The following RPH3AL variants were observed in gnomAD, a reference collection of about 807,000 sequenced individuals.
The protein encoded by RPH3AL is rab effector Noc2.
A neutral mutation model predicts 43.1 loss-of-function variants in RPH3AL; 38 were observed. The observed-to-expected ratio is 0.88, with a 90% CI of 0.68 to 1.15. RPH3AL has a LOEUF of 1.15. RPH3AL is among the 50% of genes most tolerant of loss of function. RPH3AL has a pLI of 0.00. For missense variants in RPH3AL, 462 were observed against 423.2 expected (o/e 1.09, Z -0.81); for synonymous variants, 189 against 176.3 (o/e 1.07, Z -0.57).
intron 1 of RPH3AL, among the ~76,000 whole-genome samples, chr17:336,384 A>T (rs2044954252): frequency 6.6e-6 from 1 of 152,178 alleles, no homozygotes; most frequent in South Asian, 2.1e-4. Context: ...CTATGCACCA[A>T]GCGGGCTCGA....
At chr17:282,319 C>CA (rs1433177207) in intron 5 of RPH3AL, among the ~76,000 whole-genome samples, 1 of 152,200 alleles carries the variant, frequency 6.6e-6, no homozygotes, top group Non-Finnish European at 1.5e-5. Flanking sequence ...GGTCAGAAGA[C>CA]ACAATCGTGA....
At chr17:272,979 A>G (rs8074778) in intron 6 of RPH3AL, among the ~76,000 whole-genome samples, 8,472 of 39,968 alleles carry the variant, frequency 0.21, 957 homozygotes, top group African/African-American at 0.29. Context: ...AGACCCCAGC[A>G]AGGGCTACGT....
chr17:297,121 G>A (rs763775700), intron 5 of RPH3AL, among the ~76,000 whole-genome samples: 4 of 152,194 alleles, frequency 2.6e-5, no homozygotes, highest in Non-Finnish European at 4.4e-5. Flanking sequence ...AACCCAAGAC[G>A]TCGGGGCTTG....
At chr17:348,049 T>C (rs985057339) in intron 1 of RPH3AL, among the ~76,000 whole-genome samples, 1 of 148,912 alleles carries the variant, frequency 6.7e-6, no homozygotes, top group African/African-American at 2.5e-5. Flanking sequence ...GAGGCTACTC[T>C]GGGCACCCTG....
intron 3 of RPH3AL, 147 bp from the exon 4 acceptor site, chr17:321,562 GGCCCAGGTGGCA>G: frequency 1.4e-5 from 10 of 709,548 alleles, no homozygotes; most frequent in Non-Finnish European, 2.0e-5. Context: ...CAGCAGAGAT[GGCCCAGGTGGCA>G]ACAGAGATGG....
intron 5 of RPH3AL, among the ~76,000 whole-genome samples, chr17:319,186 C>G (rs554067474): frequency 1.9e-3 from 291 of 152,282 alleles, no homozygotes; most frequent in African/African-American, 6.8e-3. Context: ...TCTCGTGGCT[C>G]GGGTGTGAAT....
intron 7 of RPH3AL, among the ~76,000 whole-genome samples, chr17:231,762 C>G (rs1034179601): frequency 1.3e-5 from 2 of 152,230 alleles, no homozygotes; most frequent in Non-Finnish European, 2.9e-5. Context: ...GCAAGGGGCC[C>G]GCAGATGTCA....
chr17:214,729 C>A (rs1314910858), intron 9 of RPH3AL: 1 of 151,502 alleles, frequency 6.6e-6, no homozygotes, highest in Non-Finnish European at 1.5e-5. Flanking sequence ...GTGATCACAC[C>A]AGTGCACTCC....
intron 5 of RPH3AL, among the ~76,000 whole-genome samples, chr17:315,494 T>C (rs2043978681): frequency 6.7e-6 from 1 of 149,040 alleles, no homozygotes. Context: ...TGACCTGTAG[T>C]CCCTGTGACT....
intron 6 of RPH3AL, among the ~76,000 whole-genome samples, chr17:265,398 G>A (rs1289492130): frequency 6.6e-6 from 1 of 152,092 alleles, no homozygotes; most frequent in African/African-American, 2.4e-5. Context: ...GATATTTTTT[G>A]TATTGTAATA....
At chr17:292,877 T>A (rs907666727) in intron 5 of RPH3AL, among the ~76,000 whole-genome samples, 5 of 152,098 alleles carry the variant, frequency 3.3e-5, no homozygotes, top group African/African-American at 1.2e-4. Flanking sequence ...AAATACCAAG[T>A]CACAGAAGGC....
chr17:315,056 G>T (rs909075333), intron 5 of RPH3AL, among the ~76,000 whole-genome samples: 1 of 75,558 alleles, frequency 1.3e-5, no homozygotes. Flanking sequence ...CACCTCCACT[G>T]AACTGTAGTC....
At position 282,817 on chromosome 17, in the gene RPH3AL, T is replaced by C. The variant is rs567753065; in HGVS notation, c.352-963A>G. Among the ~76,000 whole-genome samples the C allele has an allele frequency of 2.6e-5, 4 of 152,340 alleles. No homozygotes were observed. The South Asian group carries it at 8.3e-4, about 32-fold the overall frequency. On this transcript the variant is annotated intron_variant, in intron 5 of 9. Transcript: ENST00000331302. ...AACGACATGTTACTGTACCGAAGGC[T>C]GCAGGCAACTGTGACACAGCGGAAA...
rs144125317 is a variant in RPH3AL at position 281,211 on chromosome 17, G to A, written c.438+557C>T. On this transcript the variant is annotated intron_variant, in intron 6 of 9. Coordinates refer to ENST00000331302, the MANE Select transcript of RPH3AL (RefSeq NM_006987.4). ...AGCAGAAGGGGCGTTGGGTGGCATC[G>A]TGACAGCAGACAACGGCTGAGTTTG... Among the ~76,000 whole-genome samples, 142 of 152,240 alleles carry A rather than the reference G, an allele frequency of 9.3e-4. 1 individual carries two copies. The East Asian group carries it at 0.019, about 21-fold the overall frequency.
At chr17:319,816 A>G (rs2044408998) in intron 4 of RPH3AL, among the ~76,000 whole-genome samples, 1 of 139,984 alleles carries the variant, frequency 7.1e-6, no homozygotes. Context: ...TACCTTCAAT[A>G]AGGAAGAAAA....
Position 321,348 on chromosome 17 carries a change from G to C in RPH3AL, c.145C>G (p.Pro49Ala). ...TGCAGGATGGCCTCCACCTCCGCCGGGCTGAGGTGCTGCTTCCTCCTCTGC... is the reference window on the plus strand; with the variant it reads ...TGCAGGATGGCCTCCACCTCCGCCGCGCTGAGGTGCTGCTTCCTCCTCTGC... ...EKQRRKQHLS[P>A]AEVEAILQVI... The change falls in exon 4 of 10, where the codon CCG (proline) becomes GCG (alanine). Residue 49 changes from proline to alanine, a missense_variant. By Grantham distance (27) the Pro-to-Ala change is conservative. Coordinates refer to ENST00000331302, the MANE Select transcript of RPH3AL (RefSeq NM_006987.4). 6.2e-7 allele frequency: 1 copy of C among 1,611,640 alleles called. No individual in the cohort carries two copies. Among genetic ancestry groups the C allele is most frequent in the South Asian group, 1.1e-5 (1 of 91,062 alleles).
At chr17:260,285 G>T (rs1400829287) in intron 6 of RPH3AL, among the ~76,000 whole-genome samples, 3 of 152,196 alleles carry the variant, frequency 2.0e-5, no homozygotes, top group Non-Finnish European at 4.4e-5. Context: ...CCTCTGTCGT[G>T]CTCCCAGAGG....
intron 5 of RPH3AL, among the ~76,000 whole-genome samples, chr17:300,946 C>A (rs2151637699): frequency 6.6e-6 from 1 of 152,304 alleles, no homozygotes; most frequent in Non-Finnish European, 1.5e-5. Flanking sequence ...CCTAGGCCTG[C>A]AGAATCTCTC....
chr17:320,349 G>T (rs1236080834), intron 4 of RPH3AL, among the ~76,000 whole-genome samples: 1 of 152,094 alleles, frequency 6.6e-6, no homozygotes, highest in Non-Finnish European at 1.5e-5. Flanking sequence ...CCACTGTAAA[G>T]ATAAGGCCGG....
Sources: gnomAD v4.1 joint callset for allele counts (sites outside exome capture counted in the v4.1 genomes callset) on GRCh38, gnomAD v4.1.1 for gene constraint, MANE v1.5 for transcripts, NCBI Gene and HGNC (gene_info 2026-07-23, HGNC 2026-07-21) for gene names.